FHAD1: variants seen among roughly 807,000 people sequenced by gnomAD.
FHAD1 encodes the protein forkhead associated phosphopeptide binding domain 1, also known as forkhead-associated domain-containing protein 1.
A neutral mutation model predicts 191.3 loss-of-function variants in FHAD1; 146 were observed. The observed-to-expected ratio is 0.76, with a 90% confidence interval of 0.67 to 0.88. The LOEUF is 0.88. Ranked by LOEUF, FHAD1 falls within the 40% of genes least tolerant of loss-of-function variation. The pLI, the probability that FHAD1 is intolerant of heterozygous loss-of-function variation, is 0.00. For synonymous variants in FHAD1, 616 were observed against 672.3 expected, an observed-to-expected ratio of 0.92 and a Z score of 1.29; for missense variants, 1,635 against 1,785.8, an observed-to-expected ratio of 0.92 and a Z score of 1.52.
chr1:15,311,001 T>A lies in FHAD1; in HGVS notation c.1040-2056T>A, dbSNP rs1313940315. ...CAAAAACCAAACAAACAGAAAAAAATGTCTGAAATAATGGTTTCCATCTAT... is the reference window on the plus strand; with the variant it reads ...CAAAAACCAAACAAACAGAAAAAAAAGTCTGAAATAATGGTTTCCATCTAT... On this transcript the variant is annotated intron_variant, in intron 7 of 33. Transcript: ENST00000688493. This position sits in a 1 kb window ranked among gnomAD's most constrained non-coding sequence, Gnocchi z 4.1. 2.0e-5 allele frequency among the ~76,000 whole-genome samples: 3 copies of A among 151,816 alleles called. No individual in the cohort carries two copies. In the East Asian group the frequency reaches 5.8e-4, roughly 29 times the overall value.
chr1:15,317,579 TG>T (rs1321900023), intron 9 of FHAD1, among the ~76,000 whole-genome samples: 1 of 152,262 alleles, frequency 6.6e-6, no homozygotes, highest in African/African-American at 2.4e-5. Flanking sequence ...GGAGCTGTAC[TG>T]ACTTCCAAAA....
At chr1:15,349,237 A>C in intron 19 of FHAD1, 88 bp downstream of exon 19, 1 of 1,025,238 alleles carries the variant, frequency 9.8e-7, no homozygotes, top group Non-Finnish European at 1.5e-6. Flanking sequence ...GGCAGATATC[A>C]GAGCCATGCC....
At chr1:15,283,572 T>C (rs1212112831) in intron 3 of FHAD1, among the ~76,000 whole-genome samples, 2 of 152,250 alleles carry the variant, frequency 1.3e-5, no homozygotes, top group East Asian at 3.8e-4. Context: ...TTTTAATGGC[T>C]GTGTTTATCA....
intron 28 of FHAD1, among the ~76,000 whole-genome samples, chr1:15,376,995 C>T (rs371231870): frequency 3.3e-5 from 5 of 152,126 alleles, no homozygotes; most frequent in South Asian, 2.1e-4. Flanking sequence ...GAGCTATGAT[C>T]GTGCCACTGC....
intron 16 of FHAD1, chr1:15,343,947 T>G (rs1464083268): frequency 6.6e-6 from 1 of 152,248 alleles, no homozygotes; most frequent in African/African-American, 2.4e-5. Flanking sequence ...TGTTAAACAC[T>G]GCGTTGGGCG....
chr1:15,375,285 C>G (rs1000053098), intron 27 of FHAD1, among the ~76,000 whole-genome samples: 2 of 152,128 alleles, frequency 1.3e-5, no homozygotes, highest in African/African-American at 4.8e-5. Context: ...GACTTGGGGC[C>G]CACTGCAGGC....
chr1:15,267,689 T>G (rs1215679181), intron 2 of FHAD1, among the ~76,000 whole-genome samples: 1 of 151,386 alleles, frequency 6.6e-6, no homozygotes, highest in Non-Finnish European at 1.5e-5. Context: ...AATTGTGTCT[T>G]TCAAGAAATT....
intron 6 of FHAD1, among the ~76,000 whole-genome samples, chr1:15,302,704 C>T (rs535582635): frequency 5.3e-5 from 8 of 151,198 alleles, no homozygotes; most frequent in Admixed American, 5.3e-4. Flanking sequence ...GGCGACAGAG[C>T]GAGACTCCGT....
At chr1:15,394,669 C>T (rs1377896014) in intron 33 of FHAD1, among the ~76,000 whole-genome samples, 2 of 152,144 alleles carry the variant, frequency 1.3e-5, no homozygotes, top group African/African-American at 4.8e-5. Flanking sequence ...TTGAAATCTT[C>T]CCAGAATCTC....
chr1:15,271,140 G>GAAAAAA (rs543401814), intron 2 of FHAD1, among the ~76,000 whole-genome samples: 1 of 76,682 alleles, frequency 1.3e-5, no homozygotes, highest in African/African-American at 5.4e-5. Context: ...CTCCATCTCG[G>GAAAAAA]AAAAAAAAAA....
In FHAD1 at chr1:15,285,097, T is replaced by C. The variant is rs78885615; in HGVS notation, c.301-4302T>C. 5.6e-3 allele frequency among the ~76,000 whole-genome samples: 850 copies of C among 152,334 alleles called. 35 individuals carry two copies. The East Asian group carries it at 0.085, about 15-fold the overall frequency. On this transcript the variant is annotated intron_variant, in intron 3 of 33. Transcript: ENST00000688493. ...GGAGTCTTTTTTTTATGTTTGTTTA[T>C]CCTCCTCACTGTTTCCTTGTAGTTA...
intron 9 of FHAD1, among the ~76,000 whole-genome samples, chr1:15,317,062 C>T (rs995174456): frequency 1.3e-5 from 2 of 152,080 alleles, no homozygotes; most frequent in African/African-American, 4.8e-5. Flanking sequence ...TGGCGGGTGC[C>T]TGTAATCCCA....
intron 6 of FHAD1, chr1:15,305,662 G>A (rs1242437773): frequency 3.2e-6 from 1 of 307,776 alleles, no homozygotes; most frequent in Admixed American, 3.8e-5. Flanking sequence ...AGTATTTCCT[G>A]TGCTGTTCTC....
upstream of FHAD1, among the ~76,000 whole-genome samples, chr1:15,246,141 G>GGA (rs532437235): frequency 2.9e-4 from 44 of 152,136 alleles, no homozygotes; most frequent in Middle Eastern, 3.4e-3. Context: ...TGGTGTAGCA[G>GGA]GAGAGAGAGA....
intron 3 of FHAD1, among the ~76,000 whole-genome samples, chr1:15,278,175 C>G (rs1659155408): frequency 6.9e-6 from 1 of 144,092 alleles, no homozygotes; most frequent in African/African-American, 2.6e-5. Context: ...CAGTGTTTTT[C>G]TGCTCCAATG....
rs192583316 is a variant in FHAD1 at position 15,288,661 on chromosome 1, G to T, written c.301-738G>T. Among the ~76,000 whole-genome samples the T allele has an allele frequency of 4.0e-3, 609 of 152,328 alleles. 4 individuals carry two copies. Among genetic ancestry groups the T allele is most frequent in the Non-Finnish European group, 6.9e-3 (470 of 68,036 alleles). ...TATGTGCCAAGCATTTATTCTAGGG[G>T]CTGAGGATACAGTGGTAAGGTAGAT... is the stretch of plus-strand genomic sequence containing the variant. On this transcript the variant is annotated intron_variant, in intron 3 of 33. Transcript: ENST00000688493.
chr1:15,350,184 G>A (rs148661401), intron 19 of FHAD1, among the ~76,000 whole-genome samples: 148 of 152,384 alleles, frequency 9.7e-4, no homozygotes, highest in African/African-American at 3.1e-3. Context: ...GGCCAGGCCC[G>A]GTTCTGGGTG....
At position 15,381,156 on chromosome 1, in the gene FHAD1, T is replaced by C; in HGVS notation, c.3802-75T>C. ...TTGCAGAAAGTGAATGAAACAGAAT[T>C]AGACATTGGCCTCCTTAAAGCGGCC... is the stretch of plus-strand genomic sequence containing the variant. On this transcript the variant is annotated intron_variant, in intron 29 of 33. Coordinates refer to ENST00000688493, the MANE Select transcript of FHAD1 (RefSeq NM_001391957.1). The surrounding 1 kb of genome is among the most constrained non-coding windows in gnomAD (Gnocchi z 4.6). 1 of 948,870 alleles carries C rather than the reference T, an allele frequency of 1.1e-6. No individual in the cohort carries two copies. Among genetic ancestry groups the C allele is most frequent in the Non-Finnish European group, 1.6e-6 (1 of 618,794 alleles). 58.8% of individuals were successfully genotyped at this position (948,870 alleles called of 1,614,324 possible). A position where few individuals can be genotyped will look rare whatever the true frequency, so the allele number is the denominator to read the frequency against.
chr1:15,366,017 G>A (rs1696323303), intron 24 of FHAD1, 84 bp downstream of exon 24: 1 of 937,886 alleles, frequency 1.1e-6, no homozygotes, highest in Admixed American at 2.2e-5. Context: ...GCCGGGCGCA[G>A]TGGCGCACGC....
Sources: allele counts gnomAD v4.1 joint callset (sites outside exome capture counted in the v4.1 genomes callset), GRCh38; gene constraint gnomAD v4.1.1; non-coding constraint Gnocchi (gnomAD v3.1); transcripts MANE v1.5; gene names NCBI Gene and HGNC (gene_info 2026-07-23, HGNC 2026-07-21).